Variants in ZNF721 observed in about 807,000 individuals in gnomAD.
ZNF721 encodes zinc finger protein 721.
ZNF721 carries 2 observed loss-of-function variants against 2.4 expected under a neutral mutation model. The ratio of observed to expected loss-of-function variants is 0.82; its 90% CI spans 0.34 to 2.58. ZNF721 has a LOEUF of 2.58. ZNF721 is among the 30% of genes most tolerant of loss of function. The pLI is 0.11. For missense variants in ZNF721, 1,187 were observed against 1,085.5 expected, an observed-to-expected ratio of 1.09 and a Z score of -1.31; for synonymous variants, 398 against 381.8, an observed-to-expected ratio of 1.04 and a Z score of -0.50.
At chr4:457,024 TAC>T (rs1714870272) in intron 2 of ZNF721, among the ~76,000 whole-genome samples, 2 of 152,300 alleles carry the variant, frequency 1.3e-5, no homozygotes, top group South Asian at 2.1e-4. Flanking sequence ...ATCCTTTAAC[TAC>T]AGTTTTCAAC....
At chr4:448,945 A>T (rs1475184910) in intron 2 of ZNF721, among the ~76,000 whole-genome samples, 7 of 152,208 alleles carry the variant, frequency 4.6e-5, no homozygotes, top group Admixed American at 4.6e-4. Flanking sequence ...CAGTAAAGAT[A>T]AACCTTGATG....
chr4:459,694 G>A (rs1714957101), intron 2 of ZNF721, among the ~76,000 whole-genome samples: 1 of 152,058 alleles, frequency 6.6e-6, no homozygotes, highest in African/African-American at 2.4e-5. Context: ...AGCCGGGCGT[G>A]GTGGCGGGCG....
intron 2 of ZNF721, among the ~76,000 whole-genome samples, chr4:446,311 T>C (rs1714471009): frequency 6.6e-6 from 1 of 151,726 alleles, no homozygotes; most frequent in South Asian, 2.1e-4. Flanking sequence ...TATCTGGTAA[T>C]AATATACCAC....
intron 2 of ZNF721, among the ~76,000 whole-genome samples, chr4:444,636 A>G (rs1195326573): frequency 1.3e-5 from 2 of 152,218 alleles, no homozygotes; most frequent in Admixed American, 1.3e-4. Context: ...ATTGTATGCA[A>G]TCCCTCAGGT....
chr4:449,608 G>A (rs1714583892), intron 2 of ZNF721, among the ~76,000 whole-genome samples: 1 of 152,112 alleles, frequency 6.6e-6, no homozygotes, highest in South Asian at 2.1e-4. Flanking sequence ...AAAATGCTTT[G>A]CATAGCAAAG....
intron 1 of ZNF721, among the ~76,000 whole-genome samples, chr4:480,753 T>G (rs1226039568): frequency 6.8e-6 from 1 of 147,124 alleles, no homozygotes; most frequent in African/African-American, 2.5e-5. Context: ...CGTATTCCAC[T>G]GCATGCATAT....
chr4:473,383 CCAAGA>C (rs1219549867), intron 1 of ZNF721, among the ~76,000 whole-genome samples: 5 of 152,132 alleles, frequency 3.3e-5, no homozygotes, highest in Non-Finnish European at 7.3e-5. Context: ...GCTTTTCATC[CCAAGA>C]CAAGACCACC....
At chr4:480,889 T>A (rs1162332819) in intron 1 of ZNF721, among the ~76,000 whole-genome samples, 1 of 150,328 alleles carries the variant, frequency 6.7e-6, no homozygotes, top group Non-Finnish European at 1.5e-5. Flanking sequence ...CTGCTTTGCA[T>A]ACATAGATAC....
intron 1 of ZNF721, among the ~76,000 whole-genome samples, chr4:488,267 ACACT>A: frequency 6.6e-6 from 1 of 152,222 alleles, no homozygotes; most frequent in Non-Finnish European, 1.5e-5. Flanking sequence ...TGGACAACTC[ACACT>A]CACGGTCTTC....
intron 1 of ZNF721, among the ~76,000 whole-genome samples, chr4:475,511 G>GAAC (rs1715602658): frequency 6.6e-6 from 1 of 151,928 alleles, no homozygotes; most frequent in African/African-American, 2.4e-5. Flanking sequence ...ACTTTCTGTG[G>GAAC]AACTATGCAA....
intron 2 of ZNF721, among the ~76,000 whole-genome samples, chr4:461,014 G>C (rs537252596): frequency 1.3e-5 from 2 of 152,174 alleles, no homozygotes; most frequent in East Asian, 1.9e-4. Flanking sequence ...TTCTACTAAC[G>C]GTACAAAGGG....
At position 456,956 on chromosome 4, in the gene ZNF721, G is replaced by A. The variant is rs182786273; in HGVS notation, c.35-12524C>T. Reference sequence around the variant, plus strand: ...ACTCCCCAGTAAAATAGAGTTGAAAGAATAAAAAATTCTGATCTATAAAAC... The same window carrying A: ...ACTCCCCAGTAAAATAGAGTTGAAAAAATAAAAAATTCTGATCTATAAAAC... On this transcript the variant is annotated intron_variant, in intron 2 of 2. Transcript: ENST00000511833. Among the ~76,000 whole-genome samples, 3 of 152,162 alleles carry A rather than the reference G, an allele frequency of 2.0e-5. No individual in the cohort carries two copies. The East Asian group carries it at 5.8e-4, about 29-fold the overall frequency.
intron 1 of ZNF721, among the ~76,000 whole-genome samples, chr4:477,012 T>C (rs1228965765): frequency 6.6e-6 from 1 of 152,088 alleles, no homozygotes; most frequent in Non-Finnish European, 1.5e-5. Context: ...CTCTGGCCTT[T>C]TTCTTGTTTG....
chr4:491,856 A>G (rs1553871502), intron 1 of ZNF721, among the ~76,000 whole-genome samples: 1 of 152,066 alleles, frequency 6.6e-6, no homozygotes, highest in African/African-American at 2.4e-5. Flanking sequence ...TAATAACCTT[A>G]ATTAAAAAAA....
intron 2 of ZNF721, among the ~76,000 whole-genome samples, chr4:452,907 G>GTATA (rs1161631785): frequency 4.6e-5 from 7 of 152,166 alleles, no homozygotes; most frequent in Non-Finnish European, 8.8e-5. Context: ...AATGGAAATG[G>GTATA]TATACACAAG....
At chr4:487,398 C>A (rs1167318664) in intron 1 of ZNF721, among the ~76,000 whole-genome samples, 1 of 152,168 alleles carries the variant, frequency 6.6e-6, no homozygotes, top group Non-Finnish European at 1.5e-5. Flanking sequence ...ACAGCTCACT[C>A]CCAGAAGCGG....
intron 1 of ZNF721, among the ~76,000 whole-genome samples, chr4:490,558 T>C (rs781907772): frequency 1.2e-4 from 19 of 152,208 alleles, no homozygotes; most frequent in Admixed American, 2.6e-4. Flanking sequence ...ATGTGGCTAA[T>C]AAAAAATGGA....
chr4:474,783 G>C (rs1715581858), intron 1 of ZNF721, among the ~76,000 whole-genome samples: 1 of 152,126 alleles, frequency 6.6e-6, no homozygotes, highest in Non-Finnish European at 1.5e-5. Flanking sequence ...AGCTGAGACA[G>C]GAGAATCGCT....
At chr4:447,229 G>A (rs1714506504) in intron 2 of ZNF721, among the ~76,000 whole-genome samples, 1 of 152,152 alleles carries the variant, frequency 6.6e-6, no homozygotes, top group Admixed American at 6.5e-5. Flanking sequence ...GGCTGAGGAA[G>A]GAGAATGGCA....
Sources: allele counts gnomAD v4.1 joint callset (sites outside exome capture counted in the v4.1 genomes callset), GRCh38; gene constraint gnomAD v4.1.1; transcripts MANE v1.5; gene names NCBI Gene and HGNC (gene_info 2026-07-23, HGNC 2026-07-21).